The following NACA variants were observed in gnomAD, a reference collection of about 807,000 sequenced individuals.
The protein encoded by NACA is nascent polypeptide associated complex subunit alpha.
In NACA, 42 loss-of-function variants were observed where a neutral mutation model predicts 86.4. The ratio of observed to expected loss-of-function variants is 0.49; its 90% confidence interval spans 0.38 to 0.63. The LOEUF (loss-of-function observed/expected upper bound fraction) is 0.63, where lower values mean the gene tolerates loss of function less well. NACA is among the 20% of genes least tolerant of loss of function. The pLI, the probability that NACA is intolerant of heterozygous loss-of-function variation, is 0.00. For synonymous variants in NACA, 898 were observed against 973.7 expected (o/e 0.92, Z 1.45); for missense variants, 2,157 against 2,483.6 (o/e 0.87, Z 2.80).
At position 56,718,753 on chromosome 12, in the gene NACA, G is replaced by A. The variant is rs1953478800; in HGVS notation, c.2777C>T (p.Ala926Val). ...TGGGGAAGCTGGGATTCCTTTAGGG[G>A]CTGGAGTTGCTCGGGCCTTTTTGGG... ...SSPKKARATP[A>V]PKGIPASPSP... Residue 926 changes from alanine to valine, a missense_variant, in exon 3 of 9, where the codon GCC becomes GTC. Coordinates refer to ENST00000454682, the MANE Select transcript of NACA (RefSeq NM_001365896.1). The A allele has an allele frequency of 1.4e-6, 2 of 1,446,262 alleles. No homozygotes were observed. The highest frequency in any genetic ancestry group is 1.9e-6 in the Non-Finnish European group (2 of 1,071,194). The allele number at this position is 1,446,262 out of a possible 1,614,324, so 89.6% of individuals were successfully genotyped here.
rs1454441308 is a variant in NACA at position 56,719,292 on chromosome 12, T to C, written c.2238A>G (p.Pro746=). The part of the protein sequence containing the change: ...SPSLPPAGTP[P]GTKKVDGISH... ...AAATACCATCAACCTTTTTTGTACC[T>C]GGAGGAGTCCCAGCTGGGGGAAGAG... The change falls in exon 3 of 9, where the codon CCA becomes CCG. Residue 746 remains proline, a synonymous_variant. Coordinates refer to ENST00000454682, the MANE Select transcript of NACA (RefSeq NM_001365896.1). 13 of 1,593,146 alleles carry C rather than the reference T, an allele frequency of 8.2e-6. No homozygotes were observed. Among genetic ancestry groups the C allele is most frequent in the Non-Finnish European group, 1.1e-5 (13 of 1,167,172 alleles).
chr12:56,712,744 T>C (rs1953252087), intron 8 of NACA, 42 bp downstream of exon 8: 1 of 1,612,776 alleles, frequency 6.2e-7, no homozygotes, highest in Non-Finnish European at 8.5e-7. Flanking sequence ...TCATAATTGG[T>C]CAGGGCAGAG....
Position 56,719,970 on chromosome 12 carries a change from A to C in NACA, c.1560T>G (p.Ser520Arg), listed in dbSNP as rs764104831. The change falls in exon 3 of 9, where the codon AGT becomes AGG. Residue 520 changes from serine (S) to arginine (R), a missense_variant. Physicochemically the swap from Ser to Arg is moderately radical, Grantham distance 110. This residue lies in a region of NACA where 947 missense variants were observed against 917.9 expected (regional missense o/e 1.03). Coordinates refer to ENST00000454682, the MANE Select transcript of NACA (RefSeq NM_001365896.1). The part of the protein sequence containing the change: ...PDPEDLKNLP[S>R]SVLVKFPTQK... Reference sequence around the variant, plus strand: ...GTGTTGGAAATTTAACCAATACTGAACTGGGGAGATTTTTGAGGTCTTCAG... The same window carrying C: ...GTGTTGGAAATTTAACCAATACTGACCTGGGGAGATTTTTGAGGTCTTCAG... 1 of 1,613,854 alleles carries C rather than the reference A, an allele frequency of 6.2e-7. No individual in the cohort carries two copies. Among genetic ancestry groups the C allele is most frequent in the South Asian group, 1.1e-5 (1 of 91,066 alleles).
rs1308468057 is a variant in NACA at position 56,724,518 on chromosome 12, G to T, written c.4C>A (p.Pro2Thr). ...GGGACGGTTTCTGTGGCTTCGCCGG[G>T]CATTTCTGAAGGAAGGGAATAAAAA... M[P>T]GEATETVPAT... Residue 2 changes from proline (P) to threonine (T), a missense_variant, in exon 2 of 9, where the codon CCC (proline) becomes ACC (threonine). Coordinates refer to ENST00000454682, the MANE Select transcript of NACA (RefSeq NM_001365896.1). 1.2e-6 allele frequency: 2 copies of T among 1,611,850 alleles called. No individual in the cohort carries two copies. The highest frequency in any genetic ancestry group is 1.1e-5 in the South Asian group (1 of 90,594).
At chr12:56,714,022 T>C (rs1021089950) in intron 5 of NACA, 2 of 366,870 alleles carry the variant, frequency 5.5e-6, no homozygotes, top group African/African-American at 4.1e-5. Context: ...ATTTTTGGTA[T>C]TTTTAGTAGA....
chr12:56,712,563 GA>G lies in NACA; in HGVS notation c.6223-12del, dbSNP rs763410829. On this transcript the variant is annotated splice_polypyrimidine_tract_variant and intron_variant, in intron 8 of 8. Coordinates refer to ENST00000454682, the MANE Select transcript of NACA (RefSeq NM_001365896.1). ...TTACATTGTTAATTCCTGTAACAGA[GA>G]AAAGATAATTAGCGGTTCTTATAGG... 2.2e-5 allele frequency: 36 copies of G among 1,613,382 alleles called. No homozygotes were observed. The highest frequency in any genetic ancestry group is 2.7e-5 in the Non-Finnish European group (32 of 1,179,714).
chr12:56,719,941 T>C lies in NACA; in HGVS notation c.1589A>G (p.Lys530Arg), dbSNP rs1953525306. 6.2e-7 allele frequency: 1 copy of C among 1,613,848 alleles called. No homozygotes were observed. Among genetic ancestry groups the C allele is most frequent in the Non-Finnish European group, 8.5e-7 (1 of 1,179,846 alleles). ...SSVLVKFPTQ[K>R]DLQTVPASLE... ...AGAGGCAGGTACAGTTTGGAGGTCT[T>C]TTTGTGTTGGAAATTTAACCAATAC... Residue 530 changes from lysine (K) to arginine (R), a missense_variant, in exon 3 of 9, where the codon AAA (lysine) becomes AGA (arginine). Physicochemically the swap from Lys to Arg is conservative, Grantham distance 26. This residue lies in a region of NACA where 947 missense variants were observed against 917.9 expected (regional missense o/e 1.03). Transcript: ENST00000454682.
In NACA at chr12:56,719,329, A is replaced by C. The variant is rs752249949; in HGVS notation, c.2201T>G (p.Val734Gly). 1 of 1,606,550 alleles carries C rather than the reference A, an allele frequency of 6.2e-7. No individual in the cohort carries two copies. The highest frequency in any genetic ancestry group is 1.1e-5 in the South Asian group (1 of 90,024). The change falls in exon 3 of 9, where the codon GTG becomes GGG. Residue 734 changes from valine (V) to glycine (G), a missense_variant. Transcript: ENST00000454682. ...AGCTGGGGGAAGAGAGGGTGAGGGC[A>C]CAGACTTTGGGATTTCAGGGGCCAG... is the stretch of plus-strand genomic sequence containing the variant. ...LVLAPEIPKS[V>G]PSPSLPPAGT...
chr12:56,717,249 G>A lies in NACA; in HGVS notation c.4281C>T (p.Thr1427=). The part of the protein sequence containing the change: ...ATPVTREGAA[T]PSKGDLTPPA... ...GGGGAGTGAGATCTCCTTTGGATGG[G>A]GTGGCTGCGCCTTCTCTGGTGACTG... The change falls in exon 3 of 9, where the codon ACC becomes ACT. Residue 1427 remains threonine (T), a synonymous_variant. Coordinates refer to ENST00000454682, the MANE Select transcript of NACA (RefSeq NM_001365896.1). 7.5e-7 allele frequency: 1 copy of A among 1,329,962 alleles called. No individual in the cohort carries two copies. The highest frequency in any genetic ancestry group is 9.8e-7 in the Non-Finnish European group (1 of 1,017,586). 82.4% of individuals were successfully genotyped at this position (1,329,962 alleles called of 1,614,324 possible). A position where few individuals can be genotyped will look rare whatever the true frequency, so the allele number is the denominator to read the frequency against.
chr12:56,713,303 T>A, intron 6 of NACA, 113 bp from the exon 7 acceptor site: 2 of 1,373,958 alleles, frequency 1.5e-6, no homozygotes, highest in Non-Finnish European at 2.0e-6. Context: ...TGTACAGCTT[T>A]AAACTGCTTG....
In NACA at chr12:56,718,855, T is replaced by A. The variant is rs745940530; in HGVS notation, c.2675A>T (p.Asn892Ile). The change falls in exon 3 of 9, where the codon AAT (asparagine) becomes ATT (isoleucine). Residue 892 changes from asparagine to isoleucine, a missense_variant. Physicochemically the swap from Asn to Ile is moderately radical, Grantham distance 149. Around this residue, in one of 8 missense-constraint regions of NACA, gnomAD observed 174 missense variants for 217.0 expected, o/e 0.80. Transcript: ENST00000454682. ...TGGACCCTCTTTGGGGAAGGGCAGATTCACCACTGAAGGAGTGGGGGTCTC... is the reference window on the plus strand; with the variant it reads ...TGGACCCTCTTTGGGGAAGGGCAGAATCACCACTGAAGGAGTGGGGGTCTC... ...PKETPTPSVV[N>I]LPFPKEGPAT... 2.8e-5 allele frequency: 40 copies of A among 1,413,456 alleles called. No homozygotes were observed. The highest frequency in any genetic ancestry group is 3.6e-5 in the Non-Finnish European group (38 of 1,055,262). The allele number at this position is 1,413,456 out of a possible 1,614,324, so 87.6% of individuals were successfully genotyped here.
chr12:56,714,670 C>T lies in NACA; in HGVS notation c.5677G>A (p.Asp1893Asn). ...AGCTCTGGTACTGATTCATCACTGT[C>T]AGATTCTGTTCCAGACCCTAAGATG... is the stretch of plus-strand genomic sequence containing the variant. ...KNNKGSGTES[D>N]SDESVPELEE... Residue 1893 changes from aspartate (D) to asparagine (N), a missense_variant, in exon 4 of 9, where the codon GAC becomes AAC. Physicochemically the swap from Asp to Asn is conservative, Grantham distance 23. Around this residue, in one of 8 missense-constraint regions of NACA, gnomAD observed 797 missense variants for 777.6 expected, o/e 1.02. Transcript: ENST00000454682. The T allele has an allele frequency of 6.2e-7, 1 of 1,614,144 alleles. No individual in the cohort carries two copies. Among genetic ancestry groups the T allele is most frequent in the Non-Finnish European group, 8.5e-7 (1 of 1,180,018 alleles).
rs1294614329 is a variant in NACA at position 56,720,020 on chromosome 12, G to A, written c.1510C>T (p.Pro504Ser). The A allele has an allele frequency of 6.2e-7, 1 of 1,613,892 alleles. No homozygotes were observed. The highest frequency in any genetic ancestry group is 1.7e-5 in the Admixed American group (1 of 60,006). ...GGGTCTGGCAGAGGAGGAGAGACTG[G>A]TATCCTCAGAGTGGTTGCTACTTGA... ...STQVATTLRI[P>S]VSPPLPDPED... Residue 504 changes from proline to serine, a missense_variant, in exon 3 of 9, where the codon CCA (proline) becomes TCA (serine). Pro to Ser is a moderately conservative substitution (Grantham distance 74, BLOSUM62 -1). Around this residue, in one of 8 missense-constraint regions of NACA, gnomAD observed 947 missense variants for 917.9 expected, o/e 1.03. Coordinates refer to ENST00000454682, the MANE Select transcript of NACA (RefSeq NM_001365896.1).
intron 2 of NACA, among the ~76,000 whole-genome samples, chr12:56,723,418 G>A (rs571953339): frequency 1.3e-5 from 2 of 152,246 alleles, no homozygotes; most frequent in South Asian, 4.1e-4. Flanking sequence ...ATCTCGTTTT[G>A]TACTGAAATT....
At chr12:56,723,525 CT>C (rs1261930020) in intron 2 of NACA, among the ~76,000 whole-genome samples, 1 of 152,176 alleles carries the variant, frequency 6.6e-6, no homozygotes, top group East Asian at 1.9e-4. Flanking sequence ...TTAGAGCCCC[CT>C]ATTGTCCTTC....
Position 56,720,393 on chromosome 12 carries a change from T to C in NACA, c.1137A>G (p.Pro379=), listed in dbSNP as rs774326993. The C allele has an allele frequency of 1.2e-6, 2 of 1,613,832 alleles. No individual in the cohort carries two copies. The highest frequency in any genetic ancestry group is 1.1e-5 in the South Asian group (1 of 91,074). Residue 379 remains proline (P), a synonymous_variant, in exon 3 of 9, where the codon CCA becomes CCG. Transcript: ENST00000454682. Reference sequence around the variant, plus strand: ...TGGTAGAGGGACCTTTGTCAACAGATGGAGCCACCACTGGAAAGGCAGCCA... The same window carrying C: ...TGGTAGAGGGACCTTTGTCAACAGACGGAGCCACCACTGGAAAGGCAGCCA... The part of the protein sequence containing the change: ...ATVAAFPVVA[P]SVDKGPSTIS...
chr12:56,721,488 AG>A, intron 2 of NACA, 29 bp from the exon 3 acceptor site: 1 of 1,239,984 alleles, frequency 8.1e-7, no homozygotes, highest in Non-Finnish European at 1.1e-6. Context: ...AGATAAAGAA[AG>A]GGGGAGGGGG....
At chr12:56,713,413 G>C (rs1953268560) in intron 6 of NACA, 124 bp downstream of exon 6, 1 of 1,362,522 alleles carries the variant, frequency 7.3e-7, no homozygotes, top group African/African-American at 1.5e-5. Flanking sequence ...GGAGTTTTTG[G>C]GTAATCAAAA....
At position 56,720,592 on chromosome 12, in the gene NACA, T is replaced by G. The variant is rs1276357111; in HGVS notation, c.938A>C (p.His313Pro). The G allele has an allele frequency of 1.9e-6, 3 of 1,613,760 alleles. No homozygotes were observed. In the African/African-American group the frequency reaches 4.0e-5, roughly 22 times the overall value. ...TTGGACAGAACCAAAAGAACTCTGA[T>G]GTAAAGGTGCAAGATGAGAGCCCAG... ...ISLGSHLAPL[H>P]QSSFGSVQLL... is the part of the protein sequence containing the mutation. Residue 313 changes from histidine to proline, a missense_variant, in exon 3 of 9, where the codon CAT becomes CCT. Around this residue, in one of 8 missense-constraint regions of NACA, gnomAD observed 947 missense variants for 917.9 expected, o/e 1.03. Transcript: ENST00000454682.
Sources: gnomAD v4.1 joint callset for allele counts (sites outside exome capture counted in the v4.1 genomes callset) on GRCh38, gnomAD v4.1.1 for gene constraint, gnomAD v4.1.1 regional missense constraint, MANE v1.5 for transcripts, NCBI Gene and HGNC (gene_info 2026-07-23, HGNC 2026-07-21) for gene names.